The following ATP8B1 variants were observed in gnomAD, a reference collection of about 807,000 sequenced individuals.
ATP8B1 encodes the protein ATPase phospholipid transporting 8B1.
Under a neutral mutation model 149.9 loss-of-function variants are expected in ATP8B1, and 80 were observed. That is an observed-to-expected ratio of 0.53 (90% CI 0.45 to 0.64). The LOEUF (loss-of-function observed/expected upper bound fraction) is 0.64, where lower values mean the gene tolerates loss of function less well. Ranked by LOEUF, ATP8B1 falls within the 30% of genes least tolerant of loss-of-function variation. The pLI, the probability that ATP8B1 is intolerant of heterozygous loss-of-function variation, is 0.00. For synonymous variants in ATP8B1, 536 were observed against 562.8 expected (o/e 0.95, Z 0.67); for missense variants, 1,247 against 1,552.6 (o/e 0.80, Z 3.31).
At chr18:57,699,675 C>G (rs867111854) in intron 6 of ATP8B1, among the ~76,000 whole-genome samples, 6 of 151,970 alleles carry the variant, frequency 3.9e-5, no homozygotes, top group Admixed American at 3.3e-4. Flanking sequence ...GAGCGGAGAT[C>G]GCGCCACTGC....
intron 1 of ATP8B1, among the ~76,000 whole-genome samples, chr18:57,799,741 A>AAT (rs1264037172): frequency 2.0e-5 from 3 of 152,088 alleles, no homozygotes; most frequent in East Asian, 3.9e-4. Context: ...AAACAAGACT[A>AAT]ATATATACAT....
At chr18:57,695,029 CAAAAAAAAA>C (rs397960134) in intron 10 of ATP8B1, 133 bp downstream of exon 10, 5 of 282,954 alleles carry the variant, frequency 1.8e-5, no homozygotes, top group African/African-American at 6.3e-5. Context: ...GACTCTGTCT[CAAAAAAAAA>C]AAAAAAAAAA....
chr18:57,767,935 G>A (rs17753718), intron 1 of ATP8B1, among the ~76,000 whole-genome samples: 8,778 of 152,170 alleles, frequency 0.058, 353 homozygotes, highest in Middle Eastern at 0.13. Context: ...CAACTGGTTT[G>A]GGTCTTCACT....
At chr18:57,697,562 G>T (rs374779448) in intron 8 of ATP8B1, 56 bp downstream of exon 8, 1 of 1,571,036 alleles carries the variant, frequency 6.4e-7, no homozygotes, top group Non-Finnish European at 8.8e-7. Context: ...GATTTCAGTG[G>T]AATGAATGTG....
At chr18:57,764,313 CTTTCTTTCTTTTTCT>C (rs2080186292) in intron 1 of ATP8B1, among the ~76,000 whole-genome samples, 1 of 141,594 alleles carries the variant, frequency 7.1e-6, no homozygotes, top group Non-Finnish European at 1.5e-5. Context: ...TTCCTTCTTT[CTTTCTTTCTTTTTCT>C]TTCTTTCTTT....
At chr18:57,799,632 C>T (rs1489067701) in intron 1 of ATP8B1, among the ~76,000 whole-genome samples, 1 of 149,772 alleles carries the variant, frequency 6.7e-6, no homozygotes, top group African/African-American at 2.5e-5. Flanking sequence ...TTGCTTGAAC[C>T]AGCGAAGAGG....
intron 1 of ATP8B1, among the ~76,000 whole-genome samples, chr18:57,762,474 T>C (rs192148201): frequency 8.5e-5 from 13 of 152,264 alleles, no homozygotes; most frequent in African/African-American, 3.1e-4. Flanking sequence ...GTCCCTAGTT[T>C]ACATGAAGTC....
chr18:57,667,464 A>G (rs1231615639), intron 19 of ATP8B1: 1 of 369,044 alleles, frequency 2.7e-6, no homozygotes, highest in African/African-American at 2.1e-5. Flanking sequence ...TGAACTGAAT[A>G]ATTGATTTTA....
In ATP8B1 at chr18:57,704,779, G is replaced by C. The variant is rs143925261; in HGVS notation, c.280-111C>G. The C allele has an allele frequency of 4.0e-3, 3,057 of 757,284 alleles. 26 individuals carry two copies. The highest frequency in any genetic ancestry group is 0.013 in the South Asian group (911 of 67,652). 46.9% of individuals were successfully genotyped at this position (757,284 alleles called of 1,614,324 possible). A position where few individuals can be genotyped will look rare whatever the true frequency, so the allele number is the denominator to read the frequency against. ...TTACAGTGACAAAGGAACATCATCTGTCAGAAAGATATTGAGGATTTTGTC... is the reference window on the plus strand; with the variant it reads ...TTACAGTGACAAAGGAACATCATCTCTCAGAAAGATATTGAGGATTTTGTC... On this transcript the variant is annotated intron_variant, in intron 3 of 27. Coordinates refer to ENST00000648908, the MANE Select transcript of ATP8B1 (RefSeq NM_001374385.1).
At chr18:57,690,978 C>T (rs1001976926) in intron 12 of ATP8B1, among the ~76,000 whole-genome samples, 6 of 152,118 alleles carry the variant, frequency 3.9e-5, no homozygotes, top group African/African-American at 9.6e-5. Flanking sequence ...AGTTGAAGAC[C>T]AGCCTGGCCA....
chr18:57,796,584 G>A (rs889852970), intron 1 of ATP8B1, among the ~76,000 whole-genome samples: 4 of 152,154 alleles, frequency 2.6e-5, no homozygotes, highest in Non-Finnish European at 5.9e-5. Context: ...TAAAGATAGG[G>A]GCATTATTTC....
chr18:57,728,725 T>A (rs2079732061), intron 2 of ATP8B1, among the ~76,000 whole-genome samples: 1 of 150,858 alleles, frequency 6.6e-6, no homozygotes, highest in Admixed American at 6.6e-5. Context: ...CTGAGCATTT[T>A]TTTTTTTTTT....
intron 1 of ATP8B1, among the ~76,000 whole-genome samples, chr18:57,748,739 A>G (rs2079989276): frequency 1.3e-5 from 2 of 152,262 alleles, no homozygotes; most frequent in South Asian, 4.1e-4. Flanking sequence ...TATATAAATA[A>G]GAACTAAATG....
intron 1 of ATP8B1, among the ~76,000 whole-genome samples, chr18:57,747,977 C>G (rs957435223): frequency 1.3e-5 from 2 of 152,186 alleles, no homozygotes; most frequent in African/African-American, 4.8e-5. Flanking sequence ...CTTGAAATAT[C>G]TACAGAGCTT....
chr18:57,691,295 AAG>A (rs1943550673), intron 12 of ATP8B1, among the ~76,000 whole-genome samples: 1 of 152,204 alleles, frequency 6.6e-6, no homozygotes. Context: ...TGAGATGAAA[AAG>A]AGAACATTTT....
intron 1 of ATP8B1, among the ~76,000 whole-genome samples, chr18:57,796,499 A>T (rs930418711): frequency 6.6e-6 from 1 of 152,160 alleles, no homozygotes; most frequent in South Asian, 2.1e-4. Context: ...AACAAAAACA[A>T]CAACAAAAAA....
intron 22 of ATP8B1, among the ~76,000 whole-genome samples, chr18:57,659,132 TG>T (rs1299439439): frequency 6.6e-6 from 1 of 151,938 alleles, no homozygotes; most frequent in Non-Finnish European, 1.5e-5. Context: ...AAAAATTAGC[TG>T]GGCATGGTGG....
At position 57,697,640 on chromosome 18, in the gene ATP8B1, C is replaced by T. The variant is rs1449849281; in HGVS notation, c.676G>A (p.Val226Met). ...SSSEPNSLCY[V>M]ETAELDGETN... is the part of the protein sequence containing the mutation. ...TACCCATCCAGTTCTGCTGTTTCCACATAGCAGAGGCTGTTAGGCTCAGAG... is the reference window on the plus strand; with the variant it reads ...TACCCATCCAGTTCTGCTGTTTCCATATAGCAGAGGCTGTTAGGCTCAGAG... The change falls in exon 8 of 28, where the codon GTG becomes ATG. Residue 226 changes from valine to methionine, a missense_variant. Transcript: ENST00000648908. The T allele has an allele frequency of 4.3e-6, 7 of 1,613,948 alleles. No individual in the cohort carries two copies. The South Asian group carries it at 7.7e-5, about 18-fold the overall frequency.
intron 1 of ATP8B1, among the ~76,000 whole-genome samples, chr18:57,767,878 T>A (rs1210580112): frequency 6.6e-6 from 1 of 151,974 alleles, no homozygotes; most frequent in Non-Finnish European, 1.5e-5. Flanking sequence ...CAGGATTAGA[T>A]CTAAGACTTG....
Sources: allele counts gnomAD v4.1 joint callset (sites outside exome capture counted in the v4.1 genomes callset), GRCh38; gene constraint gnomAD v4.1.1; transcripts MANE v1.5; gene names NCBI Gene and HGNC (gene_info 2026-07-23, HGNC 2026-07-21).